Variants in CFAP91 observed in about 807,000 individuals in gnomAD.
CFAP91 encodes cilia and flagella associated protein 91.
CFAP91 carries 85 observed loss-of-function variants against 95.9 expected under a neutral mutation model. That is an observed-to-expected ratio of 0.89 (90% CI 0.74 to 1.06). The LOEUF is 1.06. Ranked by LOEUF, CFAP91 falls within the 50% of genes least tolerant of loss-of-function variation. The probability of loss-of-function intolerance (pLI) is 0.00; values close to 1 mark genes in which losing one functional copy is unlikely to be tolerated. For synonymous variants in CFAP91, 335 were observed against 327.5 expected (o/e 1.02, Z -0.25); for missense variants, 962 against 943.4 (o/e 1.02, Z -0.26).
chr3:119,703,131 G>A lies in CFAP91; in HGVS notation c.33G>A (p.Gln11=). The change falls in exon 1 of 18, where the codon CAG becomes CAA. Residue 11 remains glutamine, a synonymous_variant. Transcript: ENST00000273390. MSHAVTIEEP[Q]AQPQVSQTRY... The stretch of plus-strand genomic sequence containing the variant: ...ACGCAGTAACCATCGAGGAGCCCCA[G>A]GCCCAGCCGCAGGTGTCTCAAACTC... 6.3e-7 allele frequency: 1 copy of A among 1,576,020 alleles called. No homozygotes were observed. The highest frequency in any genetic ancestry group is 1.3e-5 in the African/African-American group (1 of 74,306).
rs573280477 is a variant in CFAP91, at chr3:119,722,410, G to A, written c.683-3761G>A. On this transcript the variant is annotated intron_variant, in intron 6 of 17. Transcript: ENST00000273390. ...GGAGGAGGAGGTTTCAGTGAGCCAA[G>A]ATTGCATCACTGCACTCCAGCCTAG... Among the ~76,000 whole-genome samples, 4 of 152,172 alleles carry A rather than the reference G, an allele frequency of 2.6e-5. No individual in the cohort carries two copies. The East Asian group carries it at 7.7e-4, about 29-fold the overall frequency.
At chr3:119,714,542 A>C (rs2053539884) in intron 5 of CFAP91, among the ~76,000 whole-genome samples, 1 of 152,210 alleles carries the variant, frequency 6.6e-6, no homozygotes, top group Non-Finnish European at 1.5e-5. Context: ...ATAAAATAGC[A>C]TAAAATAGTA....
At chr3:119,713,522 T>C (rs961219320) in intron 5 of CFAP91, among the ~76,000 whole-genome samples, 11 of 152,174 alleles carry the variant, frequency 7.2e-5, no homozygotes, top group Admixed American at 3.3e-4. Flanking sequence ...TCTTTGTTTT[T>C]GCCTTCATCT....
intron 11 of CFAP91, among the ~76,000 whole-genome samples, chr3:119,737,715 T>C (rs1199818885): frequency 6.6e-6 from 1 of 152,186 alleles, no homozygotes; most frequent in East Asian, 1.9e-4. Context: ...AAAAAATCTT[T>C]CCATGAAAAA....
At chr3:119,750,592 C>T (rs2472662) in intron 16 of CFAP91, 90,854 of 264,788 alleles carry the variant, frequency 0.34, 17,979 homozygotes, top group Non-Finnish European at 0.43. Flanking sequence ...TGCTTCAATG[C>T]TGAATAGGTT....
intron 10 of CFAP91, among the ~76,000 whole-genome samples, chr3:119,735,152 A>G (rs899414619): frequency 2.0e-5 from 3 of 152,068 alleles, no homozygotes; most frequent in African/African-American, 7.2e-5. Flanking sequence ...TCCTTAATCA[A>G]GTTTACTGAA....
At chr3:119,740,937 C>T (rs2054108436) in intron 13 of CFAP91, 1 of 467,828 alleles carries the variant, frequency 2.1e-6, no homozygotes, top group Admixed American at 3.3e-5. Context: ...TCACTGCAAC[C>T]TCTGCCTCAC....
At chr3:119,709,980 C>A in intron 5 of CFAP91, 85 bp downstream of exon 5, 1 of 1,032,168 alleles carries the variant, frequency 9.7e-7, no homozygotes, top group Non-Finnish European at 1.5e-6. Context: ...TTCACTAAAT[C>A]ACTATTTTTC....
rs1010499390 is a variant in CFAP91, at chr3:119,739,315, G to A, written c.1522G>A (p.Val508Ile). ...TCAAAAGTTACTCCGGGGCAGAGTCGTTCAGAACATGGTGTGTAGGTCCAA... is the reference window on the plus strand; with the variant it reads ...TCAAAAGTTACTCCGGGGCAGAGTCATTCAGAACATGGTGTGTAGGTCCAA... ...YLQKLLRGRV[V>I]QNMMFEGKEK... The change falls in exon 12 of 18, where the codon GTT becomes ATT. Residue 508 changes from valine to isoleucine, a missense_variant. Physicochemically the swap from Val to Ile is conservative, Grantham distance 29 (BLOSUM62 3). Transcript: ENST00000273390. The A allele has an allele frequency of 6.0e-5, 97 of 1,613,952 alleles. No homozygotes were observed. Among genetic ancestry groups the A allele is most frequent in the South Asian group, 1.6e-4 (15 of 91,090 alleles).
chr3:119,750,929 T>A lies in CFAP91; in HGVS notation c.2144-8T>A. ...CAGAATGAAAATTTTTCTATTACTT[T>A]GGCACAGTGAGGAACGCACAGCGGA... On this transcript the variant is annotated splice_polypyrimidine_tract_variant and splice_region_variant and intron_variant, in intron 16 of 17. Coordinates refer to ENST00000273390, the MANE Select transcript of CFAP91 (RefSeq NM_033364.4). The A allele has an allele frequency of 6.2e-7, 1 of 1,613,852 alleles. No individual in the cohort carries two copies. The highest frequency in any genetic ancestry group is 1.1e-5 in the South Asian group (1 of 91,082).
At chr3:119,737,720 G>GA (rs2107895415) in intron 11 of CFAP91, among the ~76,000 whole-genome samples, 1 of 152,284 alleles carries the variant, frequency 6.6e-6, no homozygotes, top group Admixed American at 6.5e-5. Flanking sequence ...ATCTTTCCAT[G>GA]AAAAATCAGC....
intron 11 of CFAP91, among the ~76,000 whole-genome samples, chr3:119,738,360 T>TTTTTTTTTTTTTTTTTC: frequency 8.8e-6 from 1 of 113,128 alleles, no homozygotes; most frequent in Non-Finnish European, 1.8e-5. Context: ...TTTTTTTTTT[T>TTTTTTTTTTTTTTTTTC]TTTTTTGAGA....
intron 17 of CFAP91, among the ~76,000 whole-genome samples, chr3:119,762,693 A>G (rs2054559128): frequency 6.6e-6 from 1 of 152,140 alleles, no homozygotes; most frequent in Non-Finnish European, 1.5e-5. Context: ...GATTTTTGAC[A>G]GAGGTGCCAA....
At chr3:119,760,827 C>A (rs1396106764) in intron 17 of CFAP91, among the ~76,000 whole-genome samples, 1 of 150,740 alleles carries the variant, frequency 6.6e-6, no homozygotes, top group African/African-American at 2.4e-5. Context: ...AACCTTGAGG[C>A]AAATGAAAAT....
chr3:119,703,172 C>G lies in CFAP91; in HGVS notation c.74C>G (p.Ser25Trp), dbSNP rs776190063. The change falls in exon 1 of 18, where the codon TCG (serine) becomes TGG (tryptophan). Residue 25 changes from serine (S) to tryptophan (W), a missense_variant. By Grantham distance (177) the Ser-to-Trp change is radical. Transcript: ENST00000273390. The part of the protein sequence containing the change: ...QVSQTRYRER[S>W]RAGSHISSNR... ...TCTCAAACTCGGTACCGGGAGAGGT[C>G]GCGGGCTGGGAGCCACATCTCCTCC... The G allele has an allele frequency of 1.9e-6, 3 of 1,607,872 alleles. No individual in the cohort carries two copies. In the South Asian group the frequency reaches 3.3e-5, roughly 18 times the overall value.
intron 17 of CFAP91, among the ~76,000 whole-genome samples, chr3:119,759,011 G>C (rs1041530177): frequency 6.6e-6 from 1 of 151,924 alleles, no homozygotes; most frequent in Non-Finnish European, 1.5e-5. Flanking sequence ...GTGAAAATTT[G>C]TTTTCTCTTT....
In CFAP91 at chr3:119,703,062, G is replaced by A. The variant is rs199941894; in HGVS notation, c.-37G>A. ...TGCACGCAGTAGCCAGGCCTGACCC[G>A]CTGGTCCCTTGCTGGCGGGAGGAAA... On this transcript the variant is annotated 5_prime_UTR_variant, in exon 1 of 18. Coordinates refer to ENST00000273390, the MANE Select transcript of CFAP91 (RefSeq NM_033364.4). 4 of 1,548,134 alleles carry A rather than the reference G, an allele frequency of 2.6e-6. No individual in the cohort carries two copies. In the African/African-American group the frequency reaches 4.1e-5, roughly 16 times the overall value.
intron 6 of CFAP91, among the ~76,000 whole-genome samples, chr3:119,718,347 C>T (rs2053618397): frequency 6.6e-6 from 1 of 152,008 alleles, no homozygotes; most frequent in African/African-American, 2.4e-5. Context: ...GTAGAATAGA[C>T]GGAGCTGAAG....
chr3:119,746,842 A>C (rs957053976), intron 14 of CFAP91, among the ~76,000 whole-genome samples: 9 of 152,200 alleles, frequency 5.9e-5, no homozygotes, highest in African/African-American at 1.9e-4. Flanking sequence ...TCTGAAGCCC[A>C]TAATCCTTCA....
Sources: allele counts gnomAD v4.1 joint callset (sites outside exome capture counted in the v4.1 genomes callset), GRCh38; gene constraint gnomAD v4.1.1; transcripts MANE v1.5; gene names NCBI Gene and HGNC (gene_info 2026-07-23, HGNC 2026-07-21).